Variants in STIM1 observed in about 807,000 individuals in gnomAD.
STIM1 encodes the protein stromal interaction molecule 1.
STIM1 carries 25 observed loss-of-function variants against 74.7 expected under a neutral mutation model. The ratio of observed to expected loss-of-function variants is 0.33; its 90% CI spans 0.24 to 0.47. The LOEUF (loss-of-function observed/expected upper bound fraction) is 0.47. STIM1 is among the 20% of genes least tolerant of loss of function. The pLI is 1.00. For synonymous variants in STIM1, 328 were observed against 348.8 expected (o/e 0.94, Z 0.66); for missense variants, 728 against 920.8 (o/e 0.79, Z 2.71).
At chr11:4,045,454 T>C (rs528068300) in intron 3 of STIM1, among the ~76,000 whole-genome samples, 239 of 134,274 alleles carry the variant, frequency 1.8e-3, no homozygotes, top group African/African-American at 7.0e-3. Flanking sequence ...TCCATCAGCA[T>C]TTTTTTTTTT....
intron 1 of STIM1, among the ~76,000 whole-genome samples, chr11:3,882,176 C>T (rs550925498): frequency 2.7e-5 from 4 of 149,692 alleles, no homozygotes; most frequent in Admixed American, 6.7e-5. Context: ...CTTGGCTCAC[C>T]GCAACCTCTG....
intron 2 of STIM1, among the ~76,000 whole-genome samples, chr11:4,010,616 C>T (rs1186789344): frequency 3.3e-5 from 5 of 152,128 alleles, no homozygotes; most frequent in Non-Finnish European, 5.9e-5. Flanking sequence ...ATTATTAACC[C>T]TAATTTTGAG....
chr11:4,039,570 A>G (rs2094131583), intron 3 of STIM1, among the ~76,000 whole-genome samples: 1 of 123,860 alleles, frequency 8.1e-6, no homozygotes, highest in Non-Finnish European at 1.7e-5. Flanking sequence ...TGGGCAACAG[A>G]GTAAGACTCC....
intron 1 of STIM1, among the ~76,000 whole-genome samples, chr11:3,939,455 A>G (rs1409874644): frequency 2.6e-5 from 4 of 152,178 alleles, no homozygotes; most frequent in African/African-American, 9.7e-5. Context: ...ACTGCATTCC[A>G]CTTAGGCCAG....
At chr11:4,009,351 G>A (rs1465652242) in intron 2 of STIM1, among the ~76,000 whole-genome samples, 3 of 150,974 alleles carry the variant, frequency 2.0e-5, no homozygotes, top group Non-Finnish European at 2.9e-5. Context: ...GGTGGCTCAC[G>A]CCTGTAATCC....
chr11:4,081,555 C>T (rs1296247038), intron 7 of STIM1, among the ~76,000 whole-genome samples: 1 of 152,208 alleles, frequency 6.6e-6, no homozygotes, highest in African/African-American at 2.4e-5. Context: ...CAATGCCCTT[C>T]TGAAGTACCA....
intron 2 of STIM1, among the ~76,000 whole-genome samples, chr11:3,993,978 CT>C (rs1236846819): frequency 6.6e-6 from 1 of 152,246 alleles, no homozygotes; most frequent in Admixed American, 6.5e-5. Context: ...ACTGTTGGTA[CT>C]TTTTTGTATG....
intron 2 of STIM1, among the ~76,000 whole-genome samples, chr11:4,012,283 G>A (rs1025179254): frequency 1.6e-4 from 25 of 152,096 alleles, no homozygotes; most frequent in African/African-American, 5.3e-4. Flanking sequence ...AGCTTGATGG[G>A]GATAGCATTG....
intron 7 of STIM1, among the ~76,000 whole-genome samples, chr11:4,076,265 T>G (rs556086253): frequency 6.6e-6 from 1 of 151,948 alleles, no homozygotes; most frequent in South Asian, 2.1e-4. Context: ...GTGGGCAGAT[T>G]ACTTGAGGTC....
intron 1 of STIM1, among the ~76,000 whole-genome samples, chr11:3,942,533 G>A (rs988508210): frequency 4.6e-5 from 7 of 152,204 alleles, no homozygotes; most frequent in Non-Finnish European, 7.3e-5. Context: ...AGTGCTGCCT[G>A]TGCTGTGGGC....
intron 2 of STIM1, among the ~76,000 whole-genome samples, chr11:4,000,597 A>C (rs1440909094): frequency 2.0e-5 from 3 of 152,126 alleles, no homozygotes; most frequent in Non-Finnish European, 4.4e-5. Context: ...CATCACCATC[A>C]TCAAAGACCA....
intron 2 of STIM1, among the ~76,000 whole-genome samples, chr11:3,980,152 C>T (rs1590619900): frequency 6.6e-6 from 1 of 152,252 alleles, no homozygotes; most frequent in Non-Finnish European, 1.5e-5. Context: ...CACAACTCAT[C>T]AGATTACTTC....
intron 1 of STIM1, among the ~76,000 whole-genome samples, chr11:3,884,456 C>A (rs1237942539): frequency 6.6e-6 from 1 of 152,160 alleles, no homozygotes; most frequent in Non-Finnish European, 1.5e-5. Flanking sequence ...CTGCTGGGAG[C>A]TGTCATGCTA....
intron 2 of STIM1, among the ~76,000 whole-genome samples, chr11:3,988,468 TAA>T (rs2093578368): frequency 6.6e-6 from 1 of 152,214 alleles, no homozygotes; most frequent in Non-Finnish European, 1.5e-5. Context: ...TCTTTTTTTT[TAA>T]AGTTATTCCA....
At chr11:3,961,600 C>A (rs1378949877) in intron 1 of STIM1, 1 of 151,902 alleles carries the variant, frequency 6.6e-6, no homozygotes, top group Non-Finnish European at 1.5e-5. Context: ...CCTCCACCTC[C>A]CGGGTTCAAG....
intron 1 of STIM1, among the ~76,000 whole-genome samples, chr11:3,901,434 T>C (rs904113903): frequency 6.6e-6 from 1 of 152,234 alleles, no homozygotes; most frequent in African/African-American, 2.4e-5. Context: ...GAACACAGTG[T>C]GGTCCCCTGC....
intron 1 of STIM1, among the ~76,000 whole-genome samples, chr11:3,941,667 T>TAGAG (rs1198619841): frequency 9.1e-4 from 51 of 56,086 alleles, no homozygotes; most frequent in African/African-American, 2.6e-3. Context: ...TATATATATA[T>TAGAG]ATATATAGAG....
At chr11:3,984,458 A>G (rs907183947) in intron 2 of STIM1, among the ~76,000 whole-genome samples, 1 of 152,140 alleles carries the variant, frequency 6.6e-6, no homozygotes, top group African/African-American at 2.4e-5. Context: ...ATAATTTTTC[A>G]AGTGAAACCT....
chr11:4,040,478 C>A (rs1280642695), intron 3 of STIM1, among the ~76,000 whole-genome samples: 6 of 152,334 alleles, frequency 3.9e-5, no homozygotes, highest in African/African-American at 1.4e-4. Context: ...TCCCTGAAAA[C>A]CACAGGCTAA....
Sources: gnomAD v4.1 joint callset for allele counts (sites outside exome capture counted in the v4.1 genomes callset) on GRCh38, gnomAD v4.1.1 for gene constraint, MANE v1.5 for transcripts, NCBI Gene and HGNC (gene_info 2026-07-23, HGNC 2026-07-21) for gene names.